Variants in GREB1L observed in about 807,000 individuals in gnomAD.
The protein encoded by GREB1L is GREB1 like retinoic acid receptor coactivator, also known as GREB1-like protein.
In GREB1L, 17 loss-of-function variants were observed where a neutral mutation model predicts 200.8. The observed-to-expected ratio is 0.08, with a 90% confidence interval of 0.06 to 0.13. The LOEUF is 0.13. Ranked by LOEUF, GREB1L falls within the 10% of genes least tolerant of loss-of-function variation. GREB1L has a pLI of 1.00. For missense variants in GREB1L, 1,657 were observed against 2,367.7 expected (o/e 0.70, Z 6.23); for synonymous variants, 789 against 893.0 (o/e 0.88, Z 2.08).
chr18:21,449,906 G>A, intron 12 of GREB1L, 70 bp downstream of exon 12: 1 of 1,235,284 alleles, frequency 8.1e-7, no homozygotes, highest in African/African-American at 1.5e-5. Context: ...AAAAATGTGT[G>A]TTATGTGTTT....
chr18:21,460,257 C>A (rs932910497), intron 15 of GREB1L, among the ~76,000 whole-genome samples: 10 of 152,226 alleles, frequency 6.6e-5, no homozygotes, highest in African/African-American at 2.4e-4. Context: ...TCACTGCAAC[C>A]TCCACCTCCC....
chr18:21,311,933 A>G (rs2038797615), intron 1 of GREB1L, among the ~76,000 whole-genome samples: 1 of 152,074 alleles, frequency 6.6e-6, no homozygotes, highest in South Asian at 2.1e-4. Context: ...TCGCCCAGGT[A>G]CTAAGCCTAG....
chr18:21,293,578 T>C (rs2038483131), intron 1 of GREB1L, among the ~76,000 whole-genome samples: 1 of 152,230 alleles, frequency 6.6e-6, no homozygotes, highest in African/African-American at 2.4e-5. Flanking sequence ...ATTTTGTATA[T>C]ATTGTGTATA....
rs2036565466 is a variant in GREB1L at position 21,496,800 on chromosome 18, A to C, written c.3391+102A>C. The C allele has an allele frequency of 1.3e-5, 17 of 1,342,762 alleles. No individual in the cohort carries two copies. In the South Asian group the frequency reaches 2.2e-4, roughly 17 times the overall value. The allele number at this position is 1,342,762 out of a possible 1,614,324, so 83.2% of individuals were successfully genotyped here. ...ATTTACTGACACCCCAACGGCCTTCAGAGGAGCCTTCAGGGACTGGCATCC... is the reference window on the plus strand; with the variant it reads ...ATTTACTGACACCCCAACGGCCTTCCGAGGAGCCTTCAGGGACTGGCATCC... On this transcript the variant is annotated intron_variant, in intron 21 of 32. Transcript: ENST00000424526.
intron 1 of GREB1L, among the ~76,000 whole-genome samples, chr18:21,351,534 C>T (rs1183751040): frequency 2.0e-5 from 3 of 151,016 alleles, no homozygotes; most frequent in African/African-American, 7.3e-5. Flanking sequence ...GATCGTGCCA[C>T]TGCACTCCAG....
In GREB1L at chr18:21,329,400, CA is replaced by C. The variant is rs768449840; in HGVS notation, c.-119-36623del. Among the ~76,000 whole-genome samples, 13 of 150,386 alleles carry C rather than the reference CA, an allele frequency of 8.6e-5. 1 individual carries two copies. The highest frequency in any genetic ancestry group is 5.3e-4 in the Admixed American group (8 of 15,118). ...TTGTCTTACAAAGATCTCTGAAGGG[CA>C]AAATAATGAAATGTTTGCTTTTCCT... On this transcript the variant is annotated intron_variant, in intron 1 of 32. Transcript: ENST00000424526.
intron 1 of GREB1L, among the ~76,000 whole-genome samples, chr18:21,344,403 AAACAACAACAACAAC>A (rs146104394): frequency 1.3e-5 from 2 of 150,342 alleles, no homozygotes; most frequent in Non-Finnish European, 2.9e-5. Context: ...TCTGTCTCAA[AAACAACAACAACAAC>A]AACAACAACA....
At chr18:21,356,523 A>T (rs916755717) in intron 1 of GREB1L, among the ~76,000 whole-genome samples, 1 of 152,192 alleles carries the variant, frequency 6.6e-6, no homozygotes, top group East Asian at 1.9e-4. Context: ...TAAAGACTGA[A>T]TAGTATTCCA....
chr18:21,336,821 T>C (rs1185105805), intron 1 of GREB1L, among the ~76,000 whole-genome samples: 1 of 152,204 alleles, frequency 6.6e-6, no homozygotes, highest in African/African-American at 2.4e-5. Context: ...GTGGTCAGAA[T>C]TTATCTTTGC....
chr18:21,439,820 A>G (rs1223499115), intron 8 of GREB1L, among the ~76,000 whole-genome samples, 183 bp downstream of exon 8: 5 of 152,248 alleles, frequency 3.3e-5, no homozygotes, highest in Admixed American at 2.6e-4. Flanking sequence ...TTCTATGTGG[A>G]TGACCTAACT....
At chr18:21,443,538 A>T (rs1395665582) in intron 10 of GREB1L, among the ~76,000 whole-genome samples, 1 of 152,206 alleles carries the variant, frequency 6.6e-6, no homozygotes, top group African/African-American at 2.4e-5. Context: ...CTGATTTCTT[A>T]TCTGAAAATA....
intron 1 of GREB1L, among the ~76,000 whole-genome samples, chr18:21,289,287 C>A (rs183698481): frequency 6.6e-6 from 1 of 152,070 alleles, no homozygotes; most frequent in Non-Finnish European, 1.5e-5. Context: ...TGGTAGCTCA[C>A]GCCTGTAATC....
chr18:21,505,908 G>A lies in GREB1L; in HGVS notation c.4327G>A (p.Glu1443Lys), dbSNP rs2036994840. ...AGCCTATAACACCTTTCACCACTGT[G>A]AACAGTGCCGCCAGTACATGGACTT... ...YAAYNTFHHC[E>K]QCRQYMDFTS... is the part of the protein sequence containing the mutation. The change falls in exon 25 of 33, where the codon GAA (glutamate) becomes AAA (lysine). Residue 1443 changes from glutamate to lysine, a missense_variant. By Grantham distance (56) the Glu-to-Lys change is moderately conservative (BLOSUM62 1). This residue lies in a region of GREB1L where 512 missense variants were observed against 668.3 expected (regional missense o/e 0.77). Coordinates refer to ENST00000424526, the MANE Select transcript of GREB1L (RefSeq NM_001142966.3). The A allele has an allele frequency of 6.4e-7, 1 of 1,552,076 alleles. No individual in the cohort carries two copies. The highest frequency in any genetic ancestry group is 8.7e-7 in the Non-Finnish European group (1 of 1,147,082).
intron 1 of GREB1L, among the ~76,000 whole-genome samples, chr18:21,245,324 T>C (rs2037578381): frequency 1.3e-5 from 2 of 152,202 alleles, no homozygotes; most frequent in African/African-American, 4.8e-5. Context: ...ATAAATTCGC[T>C]GTAGGAATTG....
At chr18:21,263,519 T>C (rs2037920851) in intron 1 of GREB1L, among the ~76,000 whole-genome samples, 1 of 152,232 alleles carries the variant, frequency 6.6e-6, no homozygotes, top group African/African-American at 2.4e-5. Context: ...AATCTTTATA[T>C]AGAATCTTTT....
chr18:21,246,247 G>A (rs1282756750), intron 1 of GREB1L, among the ~76,000 whole-genome samples: 4 of 152,052 alleles, frequency 2.6e-5, no homozygotes, highest in Non-Finnish European at 2.9e-5. Context: ...TGTAAAATGG[G>A]TTATATTAAT....
intron 1 of GREB1L, among the ~76,000 whole-genome samples, chr18:21,360,644 T>C (rs1381155958): frequency 6.6e-6 from 1 of 152,230 alleles, no homozygotes; most frequent in Non-Finnish European, 1.5e-5. Context: ...TATAGTTGAA[T>C]CATTTGGTGC....
intron 15 of GREB1L, among the ~76,000 whole-genome samples, chr18:21,467,892 GCA>G (rs2035323985): frequency 1.3e-5 from 2 of 152,036 alleles, no homozygotes; most frequent in South Asian, 2.1e-4. Context: ...GGGCGTGGTG[GCA>G]TGCACCTGTA....
At chr18:21,411,309 C>G (rs1598783889) in intron 7 of GREB1L, among the ~76,000 whole-genome samples, 1 of 152,064 alleles carries the variant, frequency 6.6e-6, no homozygotes, top group Admixed American at 6.5e-5. Flanking sequence ...CGGGTTCACA[C>G]CATTCTCCTG....
Sources: allele counts gnomAD v4.1 joint callset (sites outside exome capture counted in the v4.1 genomes callset), GRCh38; gene constraint gnomAD v4.1.1; regional missense constraint gnomAD v4.1.1; transcripts MANE v1.5; gene names NCBI Gene and HGNC (gene_info 2026-07-23, HGNC 2026-07-21).